The following BICC1 variants were observed in gnomAD, a reference collection of about 807,000 sequenced individuals.
BICC1 encodes BicC family RNA binding protein 1.
Under a neutral mutation model 111.0 loss-of-function variants are expected in BICC1, and 43 were observed. The ratio of observed to expected loss-of-function variants is 0.39; its 90% CI spans 0.30 to 0.50. The LOEUF (loss-of-function observed/expected upper bound fraction) is 0.50. Among genes scored for constraint, BICC1 ranks in the 20% least tolerant of loss-of-function variants. The pLI is 0.88. For synonymous variants in BICC1, 467 were observed against 434.4 expected (o/e 1.07, Z -0.93); for missense variants, 1,091 against 1,203.2 (o/e 0.91, Z 1.38).
At position 58,594,556 on chromosome 10, in the gene BICC1, G is replaced by A. The variant is rs543618362; in HGVS notation, c.191-26299G>A. The stretch of plus-strand genomic sequence containing the variant: ...TAGAAACCCTACAAGCCAGAAGAGG[G>A]TAGGGGCCAATATTCAACATTCTTA... On this transcript the variant is annotated intron_variant, in intron 1 of 20. Transcript: ENST00000373886. 5.6e-4 allele frequency among the ~76,000 whole-genome samples: 85 copies of A among 152,270 alleles called. No homozygotes were observed. The Middle Eastern group carries it at 0.01, about 18-fold the overall frequency.
intron 2 of BICC1, among the ~76,000 whole-genome samples, chr10:58,696,008 A>C (rs528679292): frequency 1.3e-5 from 2 of 152,328 alleles, no homozygotes; most frequent in South Asian, 2.1e-4. Flanking sequence ...AAATTTTTTC[A>C]ATAGCTTACA....
chr10:58,610,537 T>C (rs1845383110), intron 1 of BICC1, among the ~76,000 whole-genome samples: 1 of 152,102 alleles, frequency 6.6e-6, no homozygotes, highest in Non-Finnish European at 1.5e-5. Flanking sequence ...TAAAACACAG[T>C]CTCAAAGGAT....
chr10:58,513,387 G>A, intron 1 of BICC1, 54 bp downstream of exon 1: 1 of 1,480,176 alleles, frequency 6.8e-7, no homozygotes, highest in South Asian at 1.3e-5. Flanking sequence ...ACTCCTTTTC[G>A]GACATCCCCA....
chr10:58,700,970 C>T (rs986930096), intron 2 of BICC1, among the ~76,000 whole-genome samples: 3 of 152,180 alleles, frequency 2.0e-5, no homozygotes, highest in Non-Finnish European at 2.9e-5. Context: ...CATCTGTGGG[C>T]TTACAGTCTG....
intron 3 of BICC1, among the ~76,000 whole-genome samples, chr10:58,730,815 G>A (rs1294240565): frequency 6.6e-6 from 1 of 152,080 alleles, no homozygotes; most frequent in Non-Finnish European, 1.5e-5. Context: ...GGGATACTGG[G>A]AGCAGTGTTC....
intron 3 of BICC1, among the ~76,000 whole-genome samples, chr10:58,737,928 T>TG (rs767301208): frequency 6.6e-5 from 10 of 152,166 alleles, no homozygotes; most frequent in African/African-American, 9.7e-5. Flanking sequence ...CACTTGTTGG[T>TG]GGGGTTGTTT....
intron 17 of BICC1, among the ~76,000 whole-genome samples, chr10:58,809,759 T>C (rs1310544104): frequency 6.6e-6 from 1 of 152,208 alleles, no homozygotes; most frequent in African/African-American, 2.4e-5. Flanking sequence ...GTAGTAATTA[T>C]CTTAAATCAT....
intron 8 of BICC1, among the ~76,000 whole-genome samples, chr10:58,791,389 G>T (rs1473864199): frequency 1.3e-5 from 2 of 152,092 alleles, no homozygotes; most frequent in Non-Finnish European, 2.9e-5. Context: ...AAATTAAAAG[G>T]CTTTAACCCG....
At chr10:58,669,162 C>A (rs1564543122) in intron 2 of BICC1, among the ~76,000 whole-genome samples, 1 of 148,638 alleles carries the variant, frequency 6.7e-6, no homozygotes. Context: ...AATGACAGTT[C>A]TTTTTTTTTT....
At chr10:58,668,484 A>G (rs1436645787) in intron 2 of BICC1, among the ~76,000 whole-genome samples, 4 of 151,992 alleles carry the variant, frequency 2.6e-5, no homozygotes, top group Admixed American at 2.6e-4. Context: ...TTGCACAACA[A>G]CCTGTATCCC....
intron 1 of BICC1, among the ~76,000 whole-genome samples, chr10:58,577,767 T>C (rs1844154867): frequency 6.6e-6 from 1 of 152,196 alleles, no homozygotes; most frequent in Non-Finnish European, 1.5e-5. Flanking sequence ...AAATATGTCC[T>C]TAAAATCCTA....
At chr10:58,785,680 T>C (rs1190423895) in intron 4 of BICC1, among the ~76,000 whole-genome samples, 1 of 152,220 alleles carries the variant, frequency 6.6e-6, no homozygotes, top group African/African-American at 2.4e-5. Context: ...AAATCACTTA[T>C]TGTATACCAG....
At chr10:58,770,700 G>A (rs1403622636) in intron 3 of BICC1, among the ~76,000 whole-genome samples, 1 of 152,044 alleles carries the variant, frequency 6.6e-6, no homozygotes, top group Admixed American at 6.6e-5. Flanking sequence ...ATCCAGGGAG[G>A]GGAGGAATAC....
chr10:58,606,108 C>T (rs760329346), intron 1 of BICC1, among the ~76,000 whole-genome samples: 20 of 151,990 alleles, frequency 1.3e-4, no homozygotes, highest in Non-Finnish European at 2.4e-4. Flanking sequence ...CTGCTTCATC[C>T]TTTACTATTT....
intron 2 of BICC1, among the ~76,000 whole-genome samples, chr10:58,671,006 G>A (rs866455871): frequency 2.0e-5 from 3 of 152,108 alleles, no homozygotes; most frequent in African/African-American, 4.8e-5. Context: ...ATGGCTCTAC[G>A]TGGTTTGCCT....
intron 1 of BICC1, among the ~76,000 whole-genome samples, chr10:58,591,727 T>G (rs4245598): frequency 0.88 from 133,796 of 152,234 alleles, 58,923 homozygotes; most frequent in East Asian, 1. Context: ...TGTGCTCTGT[T>G]CTCTCAATAT....
At chr10:58,770,491 C>T (rs1287936795) in intron 3 of BICC1, among the ~76,000 whole-genome samples, 2 of 151,924 alleles carry the variant, frequency 1.3e-5, no homozygotes, top group African/African-American at 4.8e-5. Flanking sequence ...AAAAAAATTT[C>T]TCTACTAATC....
At chr10:58,634,840 A>G (rs2132187523) in intron 2 of BICC1, among the ~76,000 whole-genome samples, 1 of 152,354 alleles carries the variant, frequency 6.6e-6, no homozygotes. Context: ...TATTCTTACA[A>G]TAATCTAGAG....
intron 3 of BICC1, among the ~76,000 whole-genome samples, chr10:58,721,438 C>G (rs1055499237): frequency 6.6e-6 from 1 of 152,108 alleles, no homozygotes; most frequent in African/African-American, 2.4e-5. Flanking sequence ...GATTCTTTCC[C>G]AGGTTAATTA....
Sources: allele counts gnomAD v4.1 joint callset (sites outside exome capture counted in the v4.1 genomes callset), GRCh38; gene constraint gnomAD v4.1.1; transcripts MANE v1.5; gene names NCBI Gene and HGNC (gene_info 2026-07-23, HGNC 2026-07-21).